ERBB2: variants seen among roughly 807,000 people sequenced by gnomAD.
The protein encoded by ERBB2 is erb-b2 receptor tyrosine kinase 2.
Under a neutral mutation model 149.0 loss-of-function variants are expected in ERBB2, and 61 were observed. That is an observed-to-expected ratio of 0.41 (90% CI 0.33 to 0.51). The LOEUF (loss-of-function observed/expected upper bound fraction) is 0.51. Ranked by LOEUF, ERBB2 falls within the 20% of genes least tolerant of loss-of-function variation. The pLI is 0.25. For synonymous variants in ERBB2, 633 were observed against 678.8 expected (o/e 0.93, Z 1.05); for missense variants, 1,205 against 1,655.1 (o/e 0.73, Z 4.72).
At chr17:39,724,290 A>ATTTTTTTTTTTTTTTTTTTTTTTT (rs1243809159) in intron 19 of ERBB2, among the ~76,000 whole-genome samples, 1 of 21,126 alleles carries the variant, frequency 4.7e-5, no homozygotes, top group African/African-American at 1.4e-4. Flanking sequence ...TTTTTTTTTG[A>ATTTTTTTTTTTTTTTTTTTTTTTT]GACAGAGTCT....
chr17:39,715,169 G>A (rs777394322), intron 9 of ERBB2, 117 bp from the exon 10 acceptor site: 2 of 818,094 alleles, frequency 2.4e-6, no homozygotes, highest in Non-Finnish European at 4.1e-6. Flanking sequence ...AGCTGGGCTC[G>A]ATGGGCAAAG....
In ERBB2 at chr17:39,717,443, G is replaced by T; in HGVS notation, c.1861G>T (p.Gly621Cys). The part of the protein sequence containing the change: ...MPIWKFPDEE[G>C]ACQPCPINCT... Reference sequence around the variant, plus strand: ...CATCTGGAAGTTTCCAGATGAGGAGGGCGCATGCCAGCCTTGCCCCATCAA... The same window carrying T: ...CATCTGGAAGTTTCCAGATGAGGAGTGCGCATGCCAGCCTTGCCCCATCAA... Residue 621 changes from glycine (G) to cysteine (C), a missense_variant, in exon 15 of 27, where the codon GGC (glycine) becomes TGC (cysteine). Physicochemically the swap from Gly to Cys is radical, Grantham distance 159. Transcript: ENST00000269571. 1 of 1,613,336 alleles carries T rather than the reference G, an allele frequency of 6.2e-7. No homozygotes were observed. The highest frequency in any genetic ancestry group is 8.5e-7 in the Non-Finnish European group (1 of 1,179,970).
rs920411069 is a variant in ERBB2, at chr17:39,712,016, G to A, written c.990G>A (p.Arg330=). 1 of 1,614,052 alleles carries A rather than the reference G, an allele frequency of 6.2e-7. No homozygotes were observed. The change falls in exon 8 of 27, where the codon CGG becomes CGA. Residue 330 remains arginine (R), a synonymous_variant. Coordinates refer to ENST00000269571, the MANE Select transcript of ERBB2 (RefSeq NM_004448.4). ...TGACAGCAGAGGATGGAACACAGCG[G>A]TGTGAGAAGTGCAGCAAGCCCTGTG... The part of the protein sequence containing the change: ...QEVTAEDGTQ[R]CEKCSKPCAR...
intron 1 of ERBB2, among the ~76,000 whole-genome samples, chr17:39,705,658 C>T (rs1405474050): frequency 6.6e-6 from 1 of 152,224 alleles, no homozygotes; most frequent in African/African-American, 2.4e-5. Flanking sequence ...CCACTGGCCA[C>T]TGGCCCAGGC....
upstream of ERBB2, among the ~76,000 whole-genome samples, chr17:39,691,865 TGATA>T (rs1238040269): frequency 1.1e-4 from 14 of 122,744 alleles, no homozygotes; most frequent in Non-Finnish European, 1.5e-4. Flanking sequence ...AAAACCTTCA[TGATA>T]GATATAGATA....
upstream of ERBB2, among the ~76,000 whole-genome samples, chr17:39,696,213 T>C (rs2057860451): frequency 6.6e-6 from 1 of 152,156 alleles, no homozygotes; most frequent in African/African-American, 2.4e-5. Flanking sequence ...GACGAGGTTT[T>C]TTCCTCTGGC....
At chr17:39,697,432 C>T (rs561935849), upstream of ERBB2, among the ~76,000 whole-genome samples, 2 of 150,880 alleles carry the variant, frequency 1.3e-5, no homozygotes, top group South Asian at 4.2e-4. Flanking sequence ...CTTGGCTCAC[C>T]GCAACCTCCG....
At position 39,727,013 on chromosome 17, in the gene ERBB2, C is replaced by A. The variant is rs2059804778; in HGVS notation, c.3159+10C>A. On this transcript the variant is annotated intron_variant, in intron 25 of 26. Transcript: ENST00000269571. The surrounding 1 kb of genome is among the most constrained non-coding windows in gnomAD (Gnocchi z 4.3). ...CAGCTCATCTACCAGGGTCAGTGCCCTCGGTCACACTGTGTGGCTGTCTGC... is the reference window on the plus strand; with the variant it reads ...CAGCTCATCTACCAGGGTCAGTGCCATCGGTCACACTGTGTGGCTGTCTGC... 1 of 1,577,320 alleles carries A rather than the reference C, an allele frequency of 6.3e-7. No homozygotes were observed. Among genetic ancestry groups the A allele is most frequent in the Non-Finnish European group, 8.6e-7 (1 of 1,163,614 alleles).
rs1477349434 is a variant in ERBB2, at chr17:39,715,520, G to C, written c.1297G>C (p.Gly433Arg). 3 of 1,614,184 alleles carry C rather than the reference G, an allele frequency of 1.9e-6. No homozygotes were observed. Among genetic ancestry groups the C allele is most frequent in the Non-Finnish European group, 2.5e-6 (3 of 1,180,036 alleles). ...SVFQNLQVIR[G>R]RILHNGAYSL... ...CTTCCAGAACCTGCAAGTAATCCGG[G>C]GACGAATTCTGCACAAGTGAGCACT... Residue 433 changes from glycine (G) to arginine (R), a missense_variant, in exon 11 of 27, where the codon GGA (glycine) becomes CGA (arginine). By Grantham distance (125) the Gly-to-Arg change is moderately radical (BLOSUM62 -2). Around this residue, in one of 6 missense-constraint regions of ERBB2, gnomAD observed 569 missense variants for 803.5 expected, o/e 0.71. Transcript: ENST00000269571.
chr17:39,691,904 T>TATATAC (rs1193736981), upstream of ERBB2, among the ~76,000 whole-genome samples: 340 of 114,514 alleles, frequency 3.0e-3, 2 homozygotes, highest in South Asian at 7.2e-3. Flanking sequence ...GATATAGATA[T>TATATAC]ATATACATAT....
In ERBB2 at chr17:39,709,462, G is replaced by A. The variant is rs1277526811; in HGVS notation, c.574+10G>A. 4 of 1,613,864 alleles carry A rather than the reference G, an allele frequency of 2.5e-6. No homozygotes were observed. The South Asian group carries it at 4.4e-5, about 18-fold the overall frequency. ...AACCGCTCTCGGGCCTGTAAGCCAT[G>A]CCCCTCCCTGCTGCCTCTTCTCTCA... On this transcript the variant is annotated intron_variant, in intron 4 of 26. Coordinates refer to ENST00000269571, the MANE Select transcript of ERBB2 (RefSeq NM_004448.4).
At chr17:39,694,257 A>ATGTG (rs2057796217), upstream of ERBB2, among the ~76,000 whole-genome samples, 15 of 28,882 alleles carry the variant, frequency 5.2e-4, no homozygotes, top group Non-Finnish European at 1.1e-3. Context: ...ATATATATAT[A>ATGTG]TATATATATA....
chr17:39,710,278 C>T (rs1221436203), intron 6 of ERBB2, 62 bp from the exon 7 acceptor site: 2 of 1,612,424 alleles, frequency 1.2e-6, no homozygotes, highest in Non-Finnish European at 1.7e-6. Flanking sequence ...TGGTACTGCC[C>T]TATTGCCCCT....
rs1464157005 is a variant in ERBB2 at position 39,726,826 on chromosome 17, G to C, written c.2982G>C (p.Leu994Phe). The stretch of plus-strand genomic sequence containing the variant: ...TCCTTCCTCCACAGAATGAGGACTT[G>C]GGCCCAGCCAGTCCCTTGGACAGCA... ...QRFVVIQNED[L>F]GPASPLDSTF... The change falls in exon 25 of 27, where the codon TTG (leucine) becomes TTC (phenylalanine). Residue 994 changes from leucine to phenylalanine, a missense_variant. Leu to Phe is a conservative substitution (Grantham distance 22). Around this residue, in one of 6 missense-constraint regions of ERBB2, gnomAD observed 312 missense variants for 343.8 expected, o/e 0.91. Coordinates refer to ENST00000269571, the MANE Select transcript of ERBB2 (RefSeq NM_004448.4). This position sits in a 1 kb window ranked among gnomAD's most constrained non-coding sequence, Gnocchi z 5.1. The C allele has an allele frequency of 3.0e-5, 49 of 1,611,976 alleles. No homozygotes were observed. The highest frequency in any genetic ancestry group is 4.2e-5 in the Non-Finnish European group (49 of 1,178,832).
Position 39,723,854 on chromosome 17 carries a change from A to G in ERBB2, c.2209-58A>G. ...TGGAGGACAAGTAATGATCTCCTGG[A>G]AGGCAGGTAGGATCCAGCCCACGCT... On this transcript the variant is annotated intron_variant, in intron 18 of 26. Coordinates refer to ENST00000269571, the MANE Select transcript of ERBB2 (RefSeq NM_004448.4). This position sits in a 1 kb window ranked among gnomAD's most constrained non-coding sequence, Gnocchi z 6.2. 1 of 1,530,410 alleles carries G rather than the reference A, an allele frequency of 6.5e-7. No homozygotes were observed. The highest frequency in any genetic ancestry group is 9.0e-7 in the Non-Finnish European group (1 of 1,106,088). 94.8% of individuals were successfully genotyped at this position (1,530,410 alleles called of 1,614,324 possible).
upstream of ERBB2, among the ~76,000 whole-genome samples, chr17:39,693,613 C>T (rs2057759696): frequency 1.3e-5 from 2 of 151,902 alleles, no homozygotes; most frequent in Non-Finnish European, 2.9e-5. Flanking sequence ...CAAAAATTAG[C>T]CAGGCATGGT....
rs1167803054 is a variant in ERBB2, at chr17:39,723,681, T to A, written c.2208+21T>A. The A allele has an allele frequency of 6.3e-7, 1 of 1,593,438 alleles. No homozygotes were observed. Among genetic ancestry groups the A allele is most frequent in the African/African-American group, 1.3e-5 (1 of 74,576 alleles). On this transcript the variant is annotated intron_variant, in intron 18 of 26. Transcript: ENST00000269571. The surrounding 1 kb of genome is among the most constrained non-coding windows in gnomAD (Gnocchi z 6.2). ...ACAAGGTCAGGGCCAGGTCCTGGGGTGGGCGGCCCCAGAGGATGGGGGCGG... is the reference window on the plus strand; with the variant it reads ...ACAAGGTCAGGGCCAGGTCCTGGGGAGGGCGGCCCCAGAGGATGGGGGCGG...
chr17:39,723,168 A>T lies in ERBB2; in HGVS notation c.1947-151A>T. The stretch of plus-strand genomic sequence containing the variant: ...TGTGGAGGCAGCGGGGAGCCAAGGC[A>T]GGTTTTAGAGTAGGAGAGGGTCCAA... On this transcript the variant is annotated intron_variant, in intron 16 of 26. Coordinates refer to ENST00000269571, the MANE Select transcript of ERBB2 (RefSeq NM_004448.4). The surrounding 1 kb of genome is among the most constrained non-coding windows in gnomAD (Gnocchi z 6.2). The T allele has an allele frequency of 2.7e-6, 2 of 741,528 alleles. No homozygotes were observed. Among genetic ancestry groups the T allele is most frequent in the Non-Finnish European group, 2.2e-6 (1 of 455,494 alleles). 45.9% of individuals were successfully genotyped at this position (741,528 alleles called of 1,614,324 possible). A position where few individuals can be genotyped will look rare whatever the true frequency, so the allele number is the denominator to read the frequency against.
At chr17:39,701,158 G>A (rs1431099886) in intron 1 of ERBB2, among the ~76,000 whole-genome samples, 5 of 152,020 alleles carry the variant, frequency 3.3e-5, no homozygotes, top group Non-Finnish European at 7.4e-5. Flanking sequence ...AGGGTGAGTG[G>A]GGGCAGTGTG....
Sources: gnomAD v4.1 joint callset for allele counts (sites outside exome capture counted in the v4.1 genomes callset) on GRCh38, gnomAD v4.1.1 for gene constraint, gnomAD v4.1.1 regional missense constraint, Gnocchi (gnomAD v3.1) non-coding constraint, MANE v1.5 for transcripts, NCBI Gene and HGNC (gene_info 2026-07-23, HGNC 2026-07-21) for gene names.